NAGA: variants seen among roughly 807,000 people sequenced by gnomAD.
NAGA encodes Acetylgalactosaminidase, alpha-N- (alpha-galactosidase B).
NAGA carries 42 observed loss-of-function variants against 45.6 expected under a neutral mutation model. That is an observed-to-expected ratio of 0.92 (90% confidence interval 0.72 to 1.19). The LOEUF (loss-of-function observed/expected upper bound fraction) is 1.19, where lower values mean the gene tolerates loss of function less well. Ranked by LOEUF, NAGA falls within the 50% of genes most tolerant of loss-of-function variation. NAGA has a pLI of 0.00. For synonymous variants in NAGA, 176 were observed against 203.1 expected (o/e 0.87, Z 1.13); for missense variants, 493 against 544.8 (o/e 0.90, Z 0.95).
rs762961486 is a variant in NAGA at position 42,067,121 on chromosome 22, C to T, written c.494G>A (p.Arg165Gln). Reference sequence around the variant, plus strand: ...CCAGCTGCGTAACTCACCCTGGGCCCGCTCCTCGGGGGTGGAGAAGCAGCC... The same window carrying T: ...CCAGCTGCGTAACTCACCCTGGGCCTGCTCCTCGGGGGTGGAGAAGCAGCC... ...LDGCFSTPEERAQGYPKMAAA... is the reference protein window; with the variant it reads ...LDGCFSTPEEQAQGYPKMAAA... The change falls in exon 4 of 9, where the codon CGG becomes CAG. Residue 165 changes from arginine to glutamine, a missense_variant. Physicochemically the swap from Arg to Gln is conservative, Grantham distance 43 (BLOSUM62 1). Transcript: ENST00000396398. 2.6e-5 allele frequency: 42 copies of T among 1,613,850 alleles called. No individual in the cohort carries two copies. The highest frequency in any genetic ancestry group is 5.3e-5 in the African/African-American group (4 of 74,910).
At position 42,067,884 on chromosome 22, in the gene NAGA, C is replaced by A; in HGVS notation, c.205G>T (p.Asp69Tyr). ...ATGTTGAGGTATGTGTAGCCCATGT[C>A]CCGCCATCCATCCTGTGCCATCCGG... ...ADRMAQDGWR[D>Y]MGYTYLNIDD... The change falls in exon 3 of 9, where the codon GAC (aspartate) becomes TAC (tyrosine). Residue 69 changes from aspartate (D) to tyrosine (Y), a missense_variant. Transcript: ENST00000396398. The A allele has an allele frequency of 6.2e-7, 1 of 1,613,802 alleles. No individual in the cohort carries two copies. Among genetic ancestry groups the A allele is most frequent in the Admixed American group, 1.7e-5 (1 of 60,026 alleles).
At chr22:42,064,255 G>A (rs1011051148) in intron 6 of NAGA, among the ~76,000 whole-genome samples, 2 of 150,508 alleles carry the variant, frequency 1.3e-5, no homozygotes, top group African/African-American at 4.9e-5. Context: ...CAGGAGAATC[G>A]CTTGAACCTG....
chr22:42,069,243 A>G (rs1341617511), intron 1 of NAGA, among the ~76,000 whole-genome samples: 1 of 152,150 alleles, frequency 6.6e-6, no homozygotes, highest in Non-Finnish European at 1.5e-5. Context: ...CAAAATAATA[A>G]AAAAGAAAAT....
chr22:42,061,124 T>G (rs1926359586), intron 7 of NAGA, 57 bp from the exon 8 acceptor site: 1 of 1,595,674 alleles, frequency 6.3e-7, no homozygotes, highest in Admixed American at 1.8e-5. Context: ...GACCTACCAT[T>G]GCCTCCCTGG....
chr22:42,061,824 C>T (rs984426123), intron 7 of NAGA, among the ~76,000 whole-genome samples: 2 of 151,780 alleles, frequency 1.3e-5, no homozygotes, highest in Non-Finnish European at 2.9e-5. Context: ...TGGTGGCGCA[C>T]ACCTGTAATC....
At chr22:42,070,116 A>G (rs1926967571) in intron 1 of NAGA, among the ~76,000 whole-genome samples, 166 bp downstream of exon 1, 1 of 152,256 alleles carries the variant, frequency 6.6e-6, no homozygotes, top group African/African-American at 2.4e-5. Context: ...CCTTTGAAGG[A>G]GAAATGATTC....
intron 7 of NAGA, among the ~76,000 whole-genome samples, chr22:42,062,416 A>G (rs1926459705): frequency 6.6e-6 from 1 of 152,126 alleles, no homozygotes; most frequent in African/African-American, 2.4e-5. Context: ...CAGTGAGTCG[A>G]AATTGTGCCA....
At chr22:42,062,584 C>T (rs137877076) in intron 7 of NAGA, among the ~76,000 whole-genome samples, 124 of 152,316 alleles carry the variant, frequency 8.1e-4, no homozygotes, top group Non-Finnish European at 1.4e-3. Flanking sequence ...GTGGCTGACA[C>T]CTCTCATCCC....
In NAGA at chr22:42,060,248, G is replaced by A; in HGVS notation, c.*31C>T. The A allele has an allele frequency of 1.2e-6, 2 of 1,611,798 alleles. No individual in the cohort carries two copies. The highest frequency in any genetic ancestry group is 1.7e-5 in the Admixed American group (1 of 60,016). Reference sequence around the variant, plus strand: ...GGCTCCATGGTCTAGGCTCAGTGGTGCCACCACAGCCTGTCACATGTCCCA... The same window carrying A: ...GGCTCCATGGTCTAGGCTCAGTGGTACCACCACAGCCTGTCACATGTCCCA... On this transcript the variant is annotated 3_prime_UTR_variant, in exon 9 of 9. Coordinates refer to ENST00000396398, the MANE Select transcript of NAGA (RefSeq NM_000262.3).
In NAGA at chr22:42,066,843, C is replaced by G. The variant is rs768389741; in HGVS notation, c.503-39G>C. The G allele has an allele frequency of 2.5e-5, 39 of 1,574,188 alleles. 1 individual carries two copies. In the Middle Eastern group the frequency reaches 4.0e-3, roughly 161 times the overall value. On this transcript the variant is annotated intron_variant, in intron 4 of 8. Transcript: ENST00000396398. ...AACCTGTTTCAGTCCTGAGGAAGTG[C>G]AGGAGGCAGTCTGGGGCCTTAGCCC...
intron 1 of NAGA, 72 bp from the exon 2 acceptor site, chr22:42,068,646 C>T: frequency 6.3e-7 from 1 of 1,589,536 alleles, no homozygotes; most frequent in South Asian, 1.1e-5. Context: ...CCCACCCCAT[C>T]TGTATGTTGC....
chr22:42,060,548 TG>T, intron 8 of NAGA, 135 bp from the exon 9 acceptor site: 1 of 1,263,298 alleles, frequency 7.9e-7, no homozygotes, highest in Non-Finnish European at 1.1e-6. Context: ...CCTACAGAAG[TG>T]GGAGCCCTGA....
intron 2 of NAGA, among the ~76,000 whole-genome samples, chr22:42,068,205 G>A (rs1759088826): frequency 6.6e-6 from 1 of 152,190 alleles, no homozygotes; most frequent in African/African-American, 2.4e-5. Flanking sequence ...TATCTCAGGG[G>A]CTGGGTCCAT....
rs1926278268 is a variant in NAGA, at chr22:42,060,216, A to G, written c.*63T>C. On this transcript the variant is annotated 3_prime_UTR_variant, in exon 9 of 9. Transcript: ENST00000396398. ...GAGAACCTCCCCACTTGCCCTGGGC[A>G]TGCCAAGGCTCCATGGTCTAGGCTC... The G allele has an allele frequency of 1.0e-5, 16 of 1,602,890 alleles. No individual in the cohort carries two copies. The highest frequency in any genetic ancestry group is 1.4e-5 in the Non-Finnish European group (16 of 1,175,346).
At position 42,060,979 on chromosome 22, in the gene NAGA, T is replaced by C. The variant is rs766416828; in HGVS notation, c.1046A>G (p.Tyr349Cys). Reference protein sequence around the residue: ...VFFSCRTDMPYRYHSSLGQLN... With the variant: ...VFFSCRTDMPCRYHSSLGQLN... ...CTGGCCAAGGGAGGAGTGGTAGCGA[T>C]AAGGCATATCGGTCCTGCAGCTGAA... The change falls in exon 8 of 9, where the codon TAT becomes TGT. Residue 349 changes from tyrosine (Y) to cysteine (C), a missense_variant. Transcript: ENST00000396398. 1 of 1,614,206 alleles carries C rather than the reference T, an allele frequency of 6.2e-7. No individual in the cohort carries two copies. Among genetic ancestry groups the C allele is most frequent in the African/African-American group, 1.3e-5 (1 of 75,056 alleles).
In NAGA at chr22:42,065,797, C is replaced by T; in HGVS notation, c.700G>A (p.Glu234Lys). ...ACTGGCTGCAGTATGTCCTGGTGCT[C>T]CACGAACCAATTCAGGATGGAGAGC... ...SVLSILNWFV[E>K]HQDILQPVAG... Residue 234 changes from glutamate (E) to lysine (K), a missense_variant, in exon 6 of 9, where the codon GAG (glutamate) becomes AAG (lysine). Physicochemically the swap from Glu to Lys is moderately conservative, Grantham distance 56 (BLOSUM62 1). Coordinates refer to ENST00000396398, the MANE Select transcript of NAGA (RefSeq NM_000262.3). The T allele has an allele frequency of 6.2e-7, 1 of 1,614,136 alleles. No individual in the cohort carries two copies. Among genetic ancestry groups the T allele is most frequent in the Non-Finnish European group, 8.5e-7 (1 of 1,180,032 alleles).
intron 1 of NAGA, among the ~76,000 whole-genome samples, chr22:42,069,165 AG>A (rs1392047130): frequency 3.9e-5 from 6 of 152,222 alleles, no homozygotes; most frequent in Non-Finnish European, 5.9e-5. Context: ...CCAGAGGCGG[AG>A]GCTGCAGTGA....
At chr22:42,067,578 A>T (rs191882717) in intron 3 of NAGA, among the ~76,000 whole-genome samples, 187 bp downstream of exon 3, 278 of 152,312 alleles carry the variant, frequency 1.8e-3, no homozygotes, top group African/African-American at 6.5e-3. Flanking sequence ...ACCTTCCTAG[A>T]ATACCAGGCT....
In NAGA at chr22:42,069,788, C is replaced by A. The variant is rs1926946277; in HGVS notation, c.16+494G>T. 2.0e-5 allele frequency among the ~76,000 whole-genome samples: 3 copies of A among 152,162 alleles called. No homozygotes were observed. The South Asian group carries it at 6.2e-4, about 32-fold the overall frequency. ...TGTGGTTTCTACTGAATGTGCGTCG[C>A]TTTCACACCACAGTAAAGTTGAAAA... On this transcript the variant is annotated intron_variant, in intron 1 of 8. Transcript: ENST00000396398.
Sources: allele counts gnomAD v4.1 joint callset (sites outside exome capture counted in the v4.1 genomes callset), GRCh38; gene constraint gnomAD v4.1.1; transcripts MANE v1.5; gene names NCBI Gene and HGNC (gene_info 2026-07-23, HGNC 2026-07-21).